FBXO5: variants seen among roughly 807,000 people sequenced by gnomAD.
The protein encoded by FBXO5 is F-box only protein 5.
FBXO5 carries 8 observed loss-of-function variants against 43.3 expected under a neutral mutation model. The observed-to-expected ratio is 0.18, with a 90% CI of 0.11 to 0.33. FBXO5 has a LOEUF of 0.33. Among genes scored for constraint, FBXO5 ranks in the 10% least tolerant of loss-of-function variants. The probability of loss-of-function intolerance (pLI) is 1.00; values close to 1 mark genes in which losing one functional copy is unlikely to be tolerated. For missense variants in FBXO5, 491 were observed against 535.7 expected (o/e 0.92, Z 0.82); for synonymous variants, 204 against 193.7 (o/e 1.05, Z -0.44).
At chr6:152,972,039 T>C (rs1297010770) in intron 4 of FBXO5, among the ~76,000 whole-genome samples, 3 of 152,140 alleles carry the variant, frequency 2.0e-5, no homozygotes, top group African/African-American at 7.2e-5. Context: ...TAATTTCATG[T>C]TTCTTTTGTT....
Position 152,975,523 on chromosome 6 carries a change from T to A in FBXO5, c.202A>T (p.Ile68Phe), listed in dbSNP as rs1483563918. 2.5e-6 allele frequency: 4 copies of A among 1,613,822 alleles called. No homozygotes were observed. Among genetic ancestry groups the A allele is most frequent in the Non-Finnish European group, 3.4e-6 (4 of 1,179,980 alleles). ...SGLKLVKPDD[I>F]GRLVSYTPAY... ...GGGGTGTAGGAAACTAGTCTTCCAA[T>A]GTCATCAGGTTTTACCAGTTTAAGT... is the stretch of plus-strand genomic sequence containing the variant. Residue 68 changes from isoleucine (I) to phenylalanine (F), a missense_variant, in exon 2 of 5, where the codon ATT becomes TTT. Ile to Phe is a conservative substitution (Grantham distance 21). Coordinates refer to ENST00000229758, the MANE Select transcript of FBXO5 (RefSeq NM_012177.5).
At chr6:152,972,826 C>T in intron 3 of FBXO5, 1 of 472,250 alleles carries the variant, frequency 2.1e-6, no homozygotes, top group South Asian at 3.2e-5. Context: ...GAGTAATTTT[C>T]CCTTTGTTAC....
rs1017333506 is a variant in FBXO5, at chr6:152,971,081, T to C, written c.*82A>G. ...ACCGATTTCAACATAAAATTGAAAA[T>C]CACAATACAATTTTTTTTAAGTTAA... On this transcript the variant is annotated 3_prime_UTR_variant, in exon 5 of 5. Coordinates refer to ENST00000229758, the MANE Select transcript of FBXO5 (RefSeq NM_012177.5). 7.1e-7 allele frequency: 1 copy of C among 1,403,068 alleles called. No individual in the cohort carries two copies. Among genetic ancestry groups the C allele is most frequent in the Non-Finnish European group, 9.5e-7 (1 of 1,048,656 alleles). 86.9% of individuals were successfully genotyped at this position (1,403,068 alleles called of 1,614,324 possible).
Position 152,982,953 on chromosome 6 carries a change from G to A in FBXO5, c.7C>T (p.Arg3Trp). MS[R>W]RPCSCALRPP... is the part of the protein sequence containing the mutation. Reference sequence around the variant, plus strand: ...CGTAGGGCGCAGCTGCAGGGGCGCCGGCTCATGCCAGCCGACGTGGAGTCT... The same window carrying A: ...CGTAGGGCGCAGCTGCAGGGGCGCCAGCTCATGCCAGCCGACGTGGAGTCT... Residue 3 changes from arginine (R) to tryptophan (W), a missense_variant, in exon 1 of 5, where the codon CGG becomes TGG. Arg to Trp is a moderately radical substitution (Grantham distance 101). Coordinates refer to ENST00000229758, the MANE Select transcript of FBXO5 (RefSeq NM_012177.5). 1.4e-6 allele frequency: 2 copies of A among 1,411,708 alleles called. No homozygotes were observed. The highest frequency in any genetic ancestry group is 1.8e-6 in the Non-Finnish European group (2 of 1,091,804). 87.4% of individuals were successfully genotyped at this position (1,411,708 alleles called of 1,614,324 possible). A position where few individuals can be genotyped will look rare whatever the true frequency, so the allele number is the denominator to read the frequency against.
chr6:152,978,490 T>C (rs547308123), intron 1 of FBXO5, among the ~76,000 whole-genome samples: 2 of 149,230 alleles, frequency 1.3e-5, no homozygotes, highest in South Asian at 2.1e-4. Context: ...CAGACATAAC[T>C]GTTACTGCTT....
At chr6:152,978,377 T>TTTGGGGGG (rs1491205604) in intron 1 of FBXO5, among the ~76,000 whole-genome samples, 1 of 21,110 alleles carries the variant, frequency 4.7e-5, no homozygotes, top group Non-Finnish European at 7.7e-5. Context: ...CTTCATTTTT[T>TTTGGGGGG]GGGGGGGGGG....
In FBXO5 at chr6:152,982,915, G is replaced by A; in HGVS notation, c.45C>T (p.Cys15=). The change falls in exon 1 of 5, where the codon TGC becomes TGT. Residue 15 remains cysteine (C), a synonymous_variant. Coordinates refer to ENST00000229758, the MANE Select transcript of FBXO5 (RefSeq NM_012177.5). ...CTGCGCTGGGGCTGGCGCTGCAGGAGCAGCGGGGTGGCCGTAGGGCGCAGC... is the reference window on the plus strand; with the variant it reads ...CTGCGCTGGGGCTGGCGCTGCAGGAACAGCGGGGTGGCCGTAGGGCGCAGC... ...PCSCALRPPR[C]SCSASPSAVT... 6.8e-7 allele frequency: 1 copy of A among 1,476,882 alleles called. No homozygotes were observed. The allele number at this position is 1,476,882 out of a possible 1,614,324, so 91.5% of individuals were successfully genotyped here. A position where few individuals can be genotyped will look rare whatever the true frequency, so the allele number is the denominator to read the frequency against.
At chr6:152,977,902 C>G (rs192698795) in intron 1 of FBXO5, among the ~76,000 whole-genome samples, 1 of 152,308 alleles carries the variant, frequency 6.6e-6, no homozygotes, top group East Asian at 1.9e-4. Flanking sequence ...TGAATATGGA[C>G]AGTTCCTTAA....
intron 1 of FBXO5, among the ~76,000 whole-genome samples, chr6:152,981,660 GA>G (rs374374061): frequency 0.072 from 9,568 of 131,992 alleles, 392 homozygotes; most frequent in African/African-American, 0.13. Context: ...TATCAAAAAA[GA>G]AAAAAAAAAA....
chr6:152,981,336 A>G (rs116143141), intron 1 of FBXO5, among the ~76,000 whole-genome samples: 319 of 152,296 alleles, frequency 2.1e-3, no homozygotes, highest in African/African-American at 7.4e-3. Flanking sequence ...CAAATATCAT[A>G]AATAAGGCTG....
At position 152,978,376 on chromosome 6, in the gene FBXO5, TTGGGGGGGG is replaced by T. The variant is rs1778205003; in HGVS notation, c.104-2764_104-2756del. Among the ~76,000 whole-genome samples the T allele has an allele frequency of 1.1e-3, 6 of 5,706 alleles. 1 individual carries two copies. Among genetic ancestry groups the T allele is most frequent in the East Asian group, 0.011 (1 of 92 alleles). The allele number at this position is 5,706 out of a possible 152,430, so 3.7% of individuals were successfully genotyped here. A position where few individuals can be genotyped will look rare whatever the true frequency, so the allele number is the denominator to read the frequency against. ...CATTAATCATGGAGAGCTTCATTTT[TTGGGGGGGG>T]GGGGGGGGCGGGGGACTTCTCAGAC... On this transcript the variant is annotated intron_variant, in intron 1 of 4. Transcript: ENST00000229758.
intron 1 of FBXO5, among the ~76,000 whole-genome samples, chr6:152,979,683 T>C (rs892208974): frequency 5.3e-5 from 8 of 152,246 alleles, no homozygotes; most frequent in Non-Finnish European, 7.3e-5. Context: ...TATAAACTCA[T>C]AGACTTTGGG....
chr6:152,983,006 G>T lies in FBXO5; in HGVS notation c.-47C>A, dbSNP rs1006723120. The T allele has an allele frequency of 7.5e-6, 9 of 1,201,314 alleles. No homozygotes were observed. The African/African-American group carries it at 1.1e-4, about 15-fold the overall frequency. 74.4% of individuals were successfully genotyped at this position (1,201,314 alleles called of 1,614,324 possible). ...CTCAGGTGGAGGAACCGCTCCGGGG[G>T]CAGCTGAGCAACCTGCCTGCTTCAC... On this transcript the variant is annotated 5_prime_UTR_variant, in exon 1 of 5. Coordinates refer to ENST00000229758, the MANE Select transcript of FBXO5 (RefSeq NM_012177.5).
At position 152,973,123 on chromosome 6, in the gene FBXO5, T is replaced by C. The variant is rs1344764799; in HGVS notation, c.832A>G (p.Ser278Gly). 1.2e-6 allele frequency: 2 copies of C among 1,613,460 alleles called. No individual in the cohort carries two copies. The highest frequency in any genetic ancestry group is 8.5e-7 in the Non-Finnish European group (1 of 1,179,618). Residue 278 changes from serine (S) to glycine (G), a missense_variant, in exon 3 of 5, where the codon AGC becomes GGC. Physicochemically the swap from Ser to Gly is moderately conservative, Grantham distance 56. Coordinates refer to ENST00000229758, the MANE Select transcript of FBXO5 (RefSeq NM_012177.5). ...TCTAGGATCTTCTTCCAAGTTGTGCTCACTTTAGACACACTGGAAAAGTAA... is the reference window on the plus strand; with the variant it reads ...TCTAGGATCTTCTTCCAAGTTGTGCCCACTTTAGACACACTGGAAAAGTAA... ...DMDLINVSKV[S>G]TTWKKILEDD...
At position 152,975,354 on chromosome 6, in the gene FBXO5, T is replaced by G. The variant is rs1429419369; in HGVS notation, c.371A>C (p.Gln124Pro). 6.2e-7 allele frequency: 1 copy of G among 1,614,176 alleles called. No homozygotes were observed. The highest frequency in any genetic ancestry group is 1.3e-5 in the African/African-American group (1 of 75,054). Residue 124 changes from glutamine to proline, a missense_variant, in exon 2 of 5, where the codon CAA becomes CCA. Physicochemically the swap from Gln to Pro is moderately conservative, Grantham distance 76 (BLOSUM62 -1). Coordinates refer to ENST00000229758, the MANE Select transcript of FBXO5 (RefSeq NM_012177.5). ...RLHNKENQHVQQTLNSTNEIE... is the reference protein window; with the variant it reads ...RLHNKENQHVPQTLNSTNEIE... ...TTCATTTGTACTATTAAGTGTCTGT[T>G]GCACATGTTGATTTTCCTTGTTATG...
intron 1 of FBXO5, among the ~76,000 whole-genome samples, chr6:152,976,451 T>C (rs1272403299): frequency 6.6e-6 from 1 of 152,218 alleles, no homozygotes; most frequent in African/African-American, 2.4e-5. Context: ...CATCTCCCTG[T>C]ACCTTGTCTA....
chr6:152,976,152 C>A (rs899349166), intron 1 of FBXO5, among the ~76,000 whole-genome samples: 2 of 152,076 alleles, frequency 1.3e-5, no homozygotes, highest in South Asian at 2.1e-4. Flanking sequence ...AAGATTAGTA[C>A]AGGAGGACAA....
chr6:152,980,652 TAG>T (rs2129094513), intron 1 of FBXO5, among the ~76,000 whole-genome samples: 1 of 152,256 alleles, frequency 6.6e-6, no homozygotes, highest in East Asian at 1.9e-4. Context: ...AAACCCAGAC[TAG>T]AAGGATTGTA....
chr6:152,975,772 G>A, intron 1 of FBXO5, 151 bp from the exon 2 acceptor site: 1 of 569,616 alleles, frequency 1.8e-6, no homozygotes, highest in Non-Finnish European at 3.1e-6. Flanking sequence ...TGTTATTCAA[G>A]TTTAATTATT....
Sources: gnomAD v4.1 joint callset for allele counts (sites outside exome capture counted in the v4.1 genomes callset) on GRCh38, gnomAD v4.1.1 for gene constraint, MANE v1.5 for transcripts, NCBI Gene and HGNC (gene_info 2026-07-23, HGNC 2026-07-21) for gene names.